The following PRDM16 variants were observed in gnomAD, a reference collection of about 807,000 sequenced individuals.
PRDM16 encodes PR/SET domain 16.
Under a neutral mutation model 110.6 loss-of-function variants are expected in PRDM16, and 23 were observed. The observed-to-expected ratio is 0.21, with a 90% confidence interval of 0.15 to 0.29. PRDM16 has a LOEUF of 0.29. PRDM16 is among the 10% of genes least tolerant of loss of function. The probability of loss-of-function intolerance (pLI) is 1.00; values close to 1 mark genes in which losing one functional copy is unlikely to be tolerated. For synonymous variants in PRDM16, 799 were observed against 781.8 expected, an observed-to-expected ratio of 1.02 and a Z score of -0.37; for missense variants, 1,615 against 1,794.3, an observed-to-expected ratio of 0.90 and a Z score of 1.81.
chr1:3,188,894 T>TC (rs1638219715), intron 2 of PRDM16, among the ~76,000 whole-genome samples: 1 of 152,192 alleles, frequency 6.6e-6, no homozygotes, highest in Non-Finnish European at 1.5e-5. Flanking sequence ...TGTCCGTCAA[T>TC]CAAGGAGGTT....
rs571503230 is a variant in PRDM16, at chr1:3,403,895, C to T, written c.885-844C>T. On this transcript the variant is annotated intron_variant, in intron 6 of 16. Transcript: ENST00000270722. Reference sequence around the variant, plus strand: ...CCATCCCCGCACCGCTCCCTGGGGACGGCAAACCCTCCACCCGGAACAGAT... The same window carrying T: ...CCATCCCCGCACCGCTCCCTGGGGATGGCAAACCCTCCACCCGGAACAGAT... 1.3e-3 allele frequency among the ~76,000 whole-genome samples: 202 copies of T among 152,304 alleles called. 3 individuals are homozygous for T. Among genetic ancestry groups the T allele is most frequent in the Admixed American group, 2.0e-4 (3 of 15,306 alleles).
intron 3 of PRDM16, among the ~76,000 whole-genome samples, chr1:3,266,801 G>C (rs1318940499): frequency 6.6e-6 from 1 of 152,148 alleles, no homozygotes; most frequent in Admixed American, 6.5e-5. Context: ...TCAGCCTCCT[G>C]AGTAGCTGGG....
chr1:3,336,505 C>A (rs963322287), intron 3 of PRDM16, among the ~76,000 whole-genome samples: 1 of 146,324 alleles, frequency 6.8e-6, no homozygotes, highest in Admixed American at 6.8e-5. Flanking sequence ...TGAGACTGAG[C>A]GTATTCATGC....
At chr1:3,403,056 TCCCCTTCCCGTGCCCTCCTCTGAGTCTTC>T in intron 6 of PRDM16, 58 bp downstream of exon 6, 1 of 758,892 alleles carries the variant, frequency 1.3e-6, no homozygotes. Context: ...TGAGTCTTCC[TCCCCTTCCCGTGCCCTCCTCTGAGTCTTC>T]CTCCCCTCCC....
At chr1:3,220,796 C>T (rs1171362319) in intron 2 of PRDM16, among the ~76,000 whole-genome samples, 2 of 152,148 alleles carry the variant, frequency 1.3e-5, no homozygotes, top group African/African-American at 4.8e-5. Flanking sequence ...CTCGCCTCCT[C>T]CAAGGGTGCT....
chr1:3,227,520 C>T (rs149480415), intron 2 of PRDM16, among the ~76,000 whole-genome samples: 18 of 152,220 alleles, frequency 1.2e-4, no homozygotes, highest in African/African-American at 3.9e-4. Context: ...CCGGCGGGAC[C>T]GTGACAGTCC....
chr1:3,230,341 C>T (rs572163997), intron 2 of PRDM16, among the ~76,000 whole-genome samples: 4 of 152,328 alleles, frequency 2.6e-5, no homozygotes, highest in African/African-American at 7.2e-5. Flanking sequence ...CCTCCTGGGA[C>T]GAGTCCTTGG....
intron 3 of PRDM16, among the ~76,000 whole-genome samples, chr1:3,322,564 C>A (rs1054648123): frequency 6.6e-6 from 1 of 152,060 alleles, no homozygotes; most frequent in South Asian, 2.1e-4. Flanking sequence ...CCACCACTGT[C>A]TCAGGAGCTT....
intron 1 of PRDM16, among the ~76,000 whole-genome samples, chr1:3,111,020 G>A (rs890192488): frequency 1.3e-5 from 2 of 152,204 alleles, no homozygotes; most frequent in Non-Finnish European, 2.9e-5. Context: ...TGAGGATGTG[G>A]CACCGATGTA....
intron 1 of PRDM16, among the ~76,000 whole-genome samples, chr1:3,113,536 C>A (rs116434688): frequency 1.3e-5 from 2 of 152,100 alleles, no homozygotes; most frequent in Non-Finnish European, 2.9e-5. Context: ...TGACCAAGGC[C>A]GAGGCCTGAG....
At chr1:3,160,631 G>A (rs1424460504) in intron 1 of PRDM16, among the ~76,000 whole-genome samples, 1 of 152,208 alleles carries the variant, frequency 6.6e-6, no homozygotes, top group Non-Finnish European at 1.5e-5. Context: ...ACATGGTCTG[G>A]GTGAGAAGCG....
chr1:3,252,946 G>A (rs1287463740), intron 3 of PRDM16, among the ~76,000 whole-genome samples: 2 of 152,170 alleles, frequency 1.3e-5, no homozygotes, highest in African/African-American at 4.8e-5. Flanking sequence ...TCGTGGAGAT[G>A]TGGCATTCCC....
intron 3 of PRDM16, among the ~76,000 whole-genome samples, chr1:3,285,540 T>C (rs1640825720): frequency 6.6e-6 from 1 of 152,096 alleles, no homozygotes; most frequent in African/African-American, 2.4e-5. Flanking sequence ...AGCTGTGACA[T>C]GCTCGCTCGG....
Position 3,206,472 on chromosome 1 carries a change from T to C in PRDM16, c.387+19998T>C, listed in dbSNP as rs1012784999. 3.9e-5 allele frequency: 6 copies of C among 152,242 alleles called. No individual in the cohort carries two copies. The highest frequency in any genetic ancestry group is 1.2e-4 in the African/African-American group (5 of 41,526). The allele number at this position is 152,242 out of a possible 1,614,324, so 9.4% of individuals were successfully genotyped here. A position where few individuals can be genotyped will look rare whatever the true frequency, so the allele number is the denominator to read the frequency against. ...GTAGGCGTGAGGTCCCGGTGCTGGA[T>C]AGACGCACACGCCTTCACGCATCCT... On this transcript the variant is annotated intron_variant, in intron 2 of 16. Coordinates refer to ENST00000270722, the MANE Select transcript of PRDM16 (RefSeq NM_022114.4). The surrounding 1 kb of genome is among the most constrained non-coding windows in gnomAD (Gnocchi z 4.9).
intron 4 of PRDM16, among the ~76,000 whole-genome samples, chr1:3,395,680 C>T (rs1643375004): frequency 6.6e-6 from 1 of 152,238 alleles, no homozygotes; most frequent in Non-Finnish European, 1.5e-5. Context: ...GCCTGGCCTC[C>T]CCTTTGTGAA....
chr1:3,385,105 C>T (rs950350552), intron 3 of PRDM16, 47 bp from the exon 4 acceptor site: 3 of 1,608,490 alleles, frequency 1.9e-6, no homozygotes, highest in East Asian at 2.2e-5. Context: ...GTGCAGACTC[C>T]AGCACACAGG....
chr1:3,306,871 C>G (rs1328883789), intron 3 of PRDM16: 2 of 152,216 alleles, frequency 1.3e-5, no homozygotes, highest in Admixed American at 1.3e-4. Context: ...ACCACCAACC[C>G]ACTTTCTGTC....
At chr1:3,409,583 CATT>C (rs1377047817) in intron 8 of PRDM16, among the ~76,000 whole-genome samples, 2 of 152,160 alleles carry the variant, frequency 1.3e-5, no homozygotes, top group Non-Finnish European at 2.9e-5. Context: ...TTGCTGAAAT[CATT>C]GTTTCCACCA....
chr1:3,352,504 C>A (rs1041455457), intron 3 of PRDM16, among the ~76,000 whole-genome samples: 1 of 152,220 alleles, frequency 6.6e-6, no homozygotes, highest in South Asian at 2.1e-4. Context: ...TTCGTTTGTT[C>A]TCCTTTCCTT....
Sources: allele counts gnomAD v4.1 joint callset (sites outside exome capture counted in the v4.1 genomes callset), GRCh38; gene constraint gnomAD v4.1.1; non-coding constraint Gnocchi (gnomAD v3.1); transcripts MANE v1.5; gene names NCBI Gene and HGNC (gene_info 2026-07-23, HGNC 2026-07-21).